The following DLGAP1 variants were observed in gnomAD, a reference collection of about 807,000 sequenced individuals.
The protein encoded by DLGAP1 is DLG associated protein 1.
A neutral mutation model predicts 90.8 loss-of-function variants in DLGAP1; 11 were observed. The observed-to-expected ratio is 0.12, with a 90% confidence interval of 0.08 to 0.20. The LOEUF (loss-of-function observed/expected upper bound fraction) is 0.20, where lower values mean the gene tolerates loss of function less well. DLGAP1 is among the 10% of genes least tolerant of loss of function. DLGAP1 has a pLI of 1.00. For missense variants in DLGAP1, 1,050 were observed against 1,333.8 expected (o/e 0.79, Z 3.31); for synonymous variants, 558 against 540.7 (o/e 1.03, Z -0.44).
intron 5 of DLGAP1, among the ~76,000 whole-genome samples, chr18:3,804,678 T>C (rs1274317056): frequency 6.6e-6 from 1 of 152,202 alleles, no homozygotes; most frequent in Admixed American, 6.5e-5. Context: ...GCAGCTCAAC[T>C]CAACCACTGC....
At chr18:4,324,263 T>C (rs1049341953) in intron 1 of DLGAP1, among the ~76,000 whole-genome samples, 6 of 150,424 alleles carry the variant, frequency 4.0e-5, no homozygotes, top group Admixed American at 6.7e-5. Flanking sequence ...CTAGAAAATT[T>C]AGAAGAAATC....
intron 1 of DLGAP1, among the ~76,000 whole-genome samples, chr18:4,235,363 G>C (rs1280984311): frequency 6.6e-6 from 1 of 152,166 alleles, no homozygotes; most frequent in Non-Finnish European, 1.5e-5. Context: ...CCCCTCAAAT[G>C]TGAGGGGTAA....
chr18:4,092,216 G>A (rs1393955479), intron 2 of DLGAP1, among the ~76,000 whole-genome samples: 1 of 152,140 alleles, frequency 6.6e-6, no homozygotes, highest in Admixed American at 6.5e-5. Flanking sequence ...TTCTTTGAGT[G>A]TCTGCAACAC....
At chr18:4,381,255 T>C (rs879625620) in intron 1 of DLGAP1, among the ~76,000 whole-genome samples, 3 of 152,148 alleles carry the variant, frequency 2.0e-5, no homozygotes, top group Admixed American at 6.6e-5. Context: ...TCAGAGATGA[T>C]TGCATGATAC....
At chr18:3,981,576 G>GC (rs1415981587) in intron 3 of DLGAP1, among the ~76,000 whole-genome samples, 2 of 152,206 alleles carry the variant, frequency 1.3e-5, no homozygotes, top group East Asian at 3.8e-4. Flanking sequence ...GGCAGGTGAT[G>GC]CCCCAGAAGG....
At chr18:3,519,501 C>A (rs2051044663) in intron 10 of DLGAP1, among the ~76,000 whole-genome samples, 1 of 152,130 alleles carries the variant, frequency 6.6e-6, no homozygotes, top group Admixed American at 6.5e-5. Context: ...ACCTTGCCTC[C>A]TATGAGATGA....
chr18:3,626,247 C>T (rs994109975), intron 7 of DLGAP1, among the ~76,000 whole-genome samples: 3 of 149,372 alleles, frequency 2.0e-5, no homozygotes, highest in African/African-American at 5.0e-5. Context: ...GTAGTGATCG[C>T]GCCAGTGCAC....
intron 9 of DLGAP1, among the ~76,000 whole-genome samples, chr18:3,535,603 G>T (rs2052319470): frequency 6.6e-6 from 1 of 151,984 alleles, no homozygotes; most frequent in East Asian, 1.9e-4. Flanking sequence ...AGCTACTTGG[G>T]AGGCTGAGGC....
chr18:4,124,342 G>C (rs764099090), intron 2 of DLGAP1, among the ~76,000 whole-genome samples: 13 of 152,074 alleles, frequency 8.5e-5, no homozygotes, highest in Admixed American at 2.6e-4. Context: ...AATATTATTG[G>C]GAAAAAATGT....
chr18:3,900,693 C>T (rs2071762793), intron 3 of DLGAP1, among the ~76,000 whole-genome samples: 1 of 152,114 alleles, frequency 6.6e-6, no homozygotes, highest in Non-Finnish European at 1.5e-5. Flanking sequence ...AGGAATCACA[C>T]ATGATTGTGT....
chr18:4,445,478 T>C (rs910069984), intron 1 of DLGAP1, among the ~76,000 whole-genome samples: 1 of 119,714 alleles, frequency 8.4e-6, no homozygotes, highest in Non-Finnish European at 1.6e-5. Context: ...CCCCAGAGTA[T>C]GATATTCCCC....
chr18:4,245,501 AAAAC>A (rs2050772886), intron 1 of DLGAP1, among the ~76,000 whole-genome samples: 1 of 152,206 alleles, frequency 6.6e-6, no homozygotes, highest in African/African-American at 2.4e-5. Context: ...TAAATGAAAC[AAAAC>A]AAACATTCCA....
At chr18:3,919,381 T>C (rs2072217293) in intron 3 of DLGAP1, among the ~76,000 whole-genome samples, 1 of 152,252 alleles carries the variant, frequency 6.6e-6, no homozygotes, top group African/African-American at 2.4e-5. Flanking sequence ...ACAAAGCGTA[T>C]AGATTCCTGG....
At position 4,196,912 on chromosome 18, in the gene DLGAP1, C is replaced by T. The variant is rs189087284; in HGVS notation, c.-266-45625G>A. 2.5e-3 allele frequency among the ~76,000 whole-genome samples: 376 copies of T among 152,016 alleles called. 4 individuals are homozygous for T. The highest frequency in any genetic ancestry group is 0.01 in the Middle Eastern group (3 of 294). The stretch of plus-strand genomic sequence containing the variant: ...AAGAGGCTGGGTGGAGTGGCTCACG[C>T]CTATAATCCCAGCACTTTGGGAGGC... On this transcript the variant is annotated intron_variant, in intron 1 of 12. Transcript: ENST00000315677.
intron 11 of DLGAP1, among the ~76,000 whole-genome samples, chr18:3,505,361 G>A (rs144267677): frequency 1.3e-3 from 199 of 152,204 alleles, no homozygotes; most frequent in African/African-American, 4.4e-3. Context: ...CTATCGGGCC[G>A]GGCGAGTTGG....
Position 4,113,131 on chromosome 18 carries a change from G to A in DLGAP1, c.-159+38049C>T, listed in dbSNP as rs1260442592. ...TTCCACTGGATATATATTCAGTTACGGGATTGCTGGGTTGAATGGTAGTTC... is the reference window on the plus strand; with the variant it reads ...TTCCACTGGATATATATTCAGTTACAGGATTGCTGGGTTGAATGGTAGTTC... On this transcript the variant is annotated intron_variant, in intron 2 of 12. Coordinates refer to ENST00000315677, the MANE Select transcript of DLGAP1 (RefSeq NM_004746.4). 3.9e-5 allele frequency among the ~76,000 whole-genome samples: 6 copies of A among 152,158 alleles called. 1 individual carries two copies. The highest frequency in any genetic ancestry group is 2.4e-5 in the African/African-American group (1 of 41,534).
intron 1 of DLGAP1, among the ~76,000 whole-genome samples, chr18:4,399,522 T>C (rs1287993365): frequency 6.6e-6 from 1 of 152,232 alleles, no homozygotes; most frequent in African/African-American, 2.4e-5. Context: ...AAAATGTAAA[T>C]ATAGCAGCAG....
chr18:3,523,710 G>T (rs1315430227), intron 10 of DLGAP1, among the ~76,000 whole-genome samples: 1 of 152,066 alleles, frequency 6.6e-6, no homozygotes, highest in Non-Finnish European at 1.5e-5. Flanking sequence ...AGCCAGGCGT[G>T]GTGGCGTGCG....
chr18:4,120,372 C>T (rs1216777245), intron 2 of DLGAP1, among the ~76,000 whole-genome samples: 1 of 152,178 alleles, frequency 6.6e-6, no homozygotes, highest in Non-Finnish European at 1.5e-5. Flanking sequence ...AACATGAGTT[C>T]TGTATCTAAT....
Sources: allele counts gnomAD v4.1 joint callset (sites outside exome capture counted in the v4.1 genomes callset), GRCh38; gene constraint gnomAD v4.1.1; transcripts MANE v1.5; gene names NCBI Gene and HGNC (gene_info 2026-07-23, HGNC 2026-07-21).